Variants in DIAPH2 observed in about 807,000 individuals in gnomAD.
DIAPH2 encodes diaphanous related formin 2.
Under a neutral mutation model 92.7 loss-of-function variants are expected in DIAPH2, and 35 were observed. The ratio of observed to expected loss-of-function variants is 0.38; its 90% CI spans 0.29 to 0.50. The LOEUF is 0.50. Among genes scored for constraint, DIAPH2 ranks in the 20% least tolerant of loss-of-function variants. DIAPH2 has a pLI of 0.94. For synonymous variants in DIAPH2, 301 were observed against 280.4 expected, an observed-to-expected ratio of 1.07 and a Z score of -0.73; for missense variants, 701 against 819.5, an observed-to-expected ratio of 0.86 and a Z score of 1.77.
intron 22 of DIAPH2, among the ~76,000 whole-genome samples, chrX:97,191,549 G>A (rs956813232): frequency 1.2e-4 from 13 of 110,889 alleles, no homozygotes; most frequent in African/African-American, 4.3e-4. Context: ...AGGAAAGTAG[G>A]TGTAGGCTGC....
At chrX:97,185,496 T>TATATATATACATAC (rs2067594683) in intron 22 of DIAPH2, among the ~76,000 whole-genome samples, 1 of 49,158 alleles carries the variant, frequency 2.0e-5, no homozygotes, top group African/African-American at 1.1e-4. Context: ...TATATATATA[T>TATATATATACATAC]ATATATATAT....
rs145025686 is a variant in DIAPH2 at position 96,969,478 on chromosome X, ATT to A, written c.2050+4283_2050+4284del. Among the ~76,000 whole-genome samples, 261 of 95,503 alleles carry A rather than the reference ATT, an allele frequency of 2.7e-3. 3 individuals carry two copies. The highest frequency in any genetic ancestry group is 0.017 in the Middle Eastern group (3 of 180). 82.9% of individuals were successfully genotyped at this position (95,503 alleles called of 115,157 possible). ...TTAGATGTGTATGCCTAGGTATTTC[ATT>A]TTTTTTTTTTTGGCCTATTGTAAAT... On this transcript the variant is annotated intron_variant, in intron 17 of 26. Transcript: ENST00000324765.
chrX:96,728,043 CAAAAAAAAAAAAAGA>C (rs1305055987), intron 1 of DIAPH2, among the ~76,000 whole-genome samples: 9 of 27,140 alleles, frequency 3.3e-4, no homozygotes, highest in South Asian at 2.1e-3. Flanking sequence ...GACTCCGTCT[CAAAAAAAAAAAAAGA>C]AAAAAAAAAG....
At chrX:96,944,167 T>C (rs1315655230) in intron 13 of DIAPH2, among the ~76,000 whole-genome samples, 1 of 111,717 alleles carries the variant, frequency 9.0e-6, no homozygotes. Flanking sequence ...ATTCTTTGAG[T>C]CTGATATCTT....
At chrX:96,880,152 A>T (rs1218815031) in intron 4 of DIAPH2, among the ~76,000 whole-genome samples, 1 of 112,007 alleles carries the variant, frequency 8.9e-6, no homozygotes, top group Non-Finnish European at 1.9e-5. Context: ...TGCAGTTATT[A>T]TGGAGAAGTT....
At chrX:96,931,533 G>C (rs1369199135) in intron 10 of DIAPH2, among the ~76,000 whole-genome samples, 1 of 110,311 alleles carries the variant, frequency 9.1e-6, no homozygotes, top group African/African-American at 3.3e-5. Context: ...TTCTGCTAGT[G>C]TCTTTAAGCT....
At chrX:96,880,080 C>A (rs995899405) in intron 4 of DIAPH2, among the ~76,000 whole-genome samples, 1 of 111,589 alleles carries the variant, frequency 9.0e-6, no homozygotes, top group South Asian at 3.8e-4. Context: ...GCAAGAAATA[C>A]CAAGTCAGTG....
intron 23 of DIAPH2, among the ~76,000 whole-genome samples, chrX:97,329,919 CA>C (rs2068983370): frequency 9.4e-6 from 1 of 105,858 alleles, no homozygotes. Context: ...CACACACACA[CA>C]CACACACACA....
chrX:97,461,506 A>G (rs2070458326), intron 26 of DIAPH2, among the ~76,000 whole-genome samples: 1 of 111,922 alleles, frequency 8.9e-6, no homozygotes, highest in Non-Finnish European at 1.9e-5. Context: ...AGAACTGGTT[A>G]ATCCATAATT....
Position 96,790,711 on chromosome X carries a change from C to T in DIAPH2, c.447+32453C>T, listed in dbSNP as rs766695939. ...TCAGGTTCTCACCCAGTTAATTGTA[C>T]GTTTTGAAAATTTAAAAAAAATGAA... On this transcript the variant is annotated intron_variant, in intron 4 of 26. Transcript: ENST00000324765. Among the ~76,000 whole-genome samples, 7 of 110,892 alleles carry T rather than the reference C, an allele frequency of 6.3e-5. No individual in the cohort carries two copies. In the East Asian group the frequency reaches 1.7e-3, roughly 27 times the overall value.
intron 26 of DIAPH2, among the ~76,000 whole-genome samples, chrX:97,471,583 G>T (rs765312078): frequency 4.7e-5 from 5 of 107,426 alleles, no homozygotes; most frequent in South Asian, 4.2e-4. Context: ...CCAACTACTC[G>T]GGAGGCTGAG....
chrX:96,693,679 A>T (rs2063809727), intron 1 of DIAPH2, among the ~76,000 whole-genome samples: 1 of 112,107 alleles, frequency 8.9e-6, no homozygotes, highest in African/African-American at 3.2e-5. Flanking sequence ...ACACAGAGGC[A>T]CCATATGGGC....
chrX:97,355,863 C>T (rs2069261375), intron 24 of DIAPH2, among the ~76,000 whole-genome samples: 1 of 111,755 alleles, frequency 8.9e-6, no homozygotes, highest in Non-Finnish European at 1.9e-5. Context: ...AATTTGCTCA[C>T]CAATCAGCAA....
chrX:97,388,225 A>G (rs993457305), intron 25 of DIAPH2, among the ~76,000 whole-genome samples: 3 of 111,962 alleles, frequency 2.7e-5, no homozygotes, highest in Non-Finnish European at 5.6e-5. Flanking sequence ...AGATTCTAGT[A>G]GTTTTCTGCT....
intron 21 of DIAPH2, among the ~76,000 whole-genome samples, chrX:97,128,719 A>C (rs933645192): frequency 1.1e-4 from 12 of 112,316 alleles, no homozygotes; most frequent in Non-Finnish European, 1.9e-4. Flanking sequence ...ATTTGTTTTA[A>C]ATCACCATGG....
chrX:97,102,898 C>A (rs1158145485), intron 20 of DIAPH2, among the ~76,000 whole-genome samples: 1 of 111,321 alleles, frequency 9.0e-6, no homozygotes, highest in South Asian at 3.8e-4. Flanking sequence ...TGACATCAGG[C>A]CACTGCACTC....
chrX:97,434,409 CT>C (rs1168006514), intron 26 of DIAPH2, among the ~76,000 whole-genome samples: 3,066 of 93,776 alleles, frequency 0.033, 46 homozygotes, highest in Middle Eastern at 0.062. Flanking sequence ...GGTTACTAAA[CT>C]TTTTTTTTTT....
chrX:96,757,271 G>A (rs1018040190), intron 3 of DIAPH2, among the ~76,000 whole-genome samples: 2 of 111,169 alleles, frequency 1.8e-5, no homozygotes, highest in African/African-American at 6.6e-5. Context: ...TTTGTTACTG[G>A]ACTCTTGTCT....
chrX:97,538,396 T>A (rs1195768153), intron 26 of DIAPH2, among the ~76,000 whole-genome samples: 1 of 111,682 alleles, frequency 9.0e-6, no homozygotes, highest in Non-Finnish European at 1.9e-5. Flanking sequence ...GAATTATAAA[T>A]AAAATCTAGA....
Sources: gnomAD v4.1 joint callset for allele counts (sites outside exome capture counted in the v4.1 genomes callset) on GRCh38, gnomAD v4.1.1 for gene constraint, MANE v1.5 for transcripts, NCBI Gene and HGNC (gene_info 2026-07-23, HGNC 2026-07-21) for gene names.